SKAP1: variants seen among roughly 807,000 people sequenced by gnomAD.
SKAP1 encodes the protein src kinase associated phosphoprotein 1, also known as src kinase-associated phosphoprotein 1.
SKAP1 carries 44 observed loss-of-function variants against 58.5 expected under a neutral mutation model. The observed-to-expected ratio is 0.75, with a 90% CI of 0.59 to 0.97. The LOEUF (loss-of-function observed/expected upper bound fraction) is 0.97. Among genes scored for constraint, SKAP1 ranks in the 50% least tolerant of loss-of-function variants. SKAP1 has a pLI of 0.00. For synonymous variants in SKAP1, 127 were observed against 149.7 expected, an observed-to-expected ratio of 0.85 and a Z score of 1.11; for missense variants, 390 against 435.2, an observed-to-expected ratio of 0.90 and a Z score of 0.92.
intron 4 of SKAP1, among the ~76,000 whole-genome samples, chr17:48,280,810 C>T (rs1029478224): frequency 6.6e-6 from 1 of 152,016 alleles, no homozygotes. Context: ...TAGCATAAAA[C>T]CTTTAAGATT....
chr17:48,169,105 A>G (rs2064177738), intron 10 of SKAP1, among the ~76,000 whole-genome samples: 2 of 39,596 alleles, frequency 5.1e-5, no homozygotes, highest in South Asian at 1.9e-3. Flanking sequence ...ATGAGGAACA[A>G]AAGGTTTTTT....
chr17:48,180,271 G>T, intron 8 of SKAP1, 23 bp from the exon 9 acceptor site: 1 of 1,507,464 alleles, frequency 6.6e-7, no homozygotes, highest in Admixed American at 2.3e-5. Context: ...AGATGAGAAT[G>T]AATCAAGAAA....
At chr17:48,425,879 T>C (rs2067849461) in intron 1 of SKAP1, among the ~76,000 whole-genome samples, 1 of 152,208 alleles carries the variant, frequency 6.6e-6, no homozygotes, top group African/African-American at 2.4e-5. Context: ...CCAAACATCC[T>C]AAACAATATA....
chr17:48,297,780 G>A (rs567840143), intron 4 of SKAP1, among the ~76,000 whole-genome samples: 2 of 152,224 alleles, frequency 1.3e-5, no homozygotes, highest in East Asian at 3.9e-4. Context: ...GGCCTATAAG[G>A]GAATGGACCT....
At chr17:48,235,493 G>A (rs2065170030) in intron 4 of SKAP1, among the ~76,000 whole-genome samples, 1 of 151,744 alleles carries the variant, frequency 6.6e-6, no homozygotes, top group Non-Finnish European at 1.5e-5. Context: ...GTAGAAAACT[G>A]CAGAACAAGA....
chr17:48,174,378 T>C (rs1366367892), intron 9 of SKAP1, among the ~76,000 whole-genome samples: 7 of 152,124 alleles, frequency 4.6e-5, no homozygotes, highest in Non-Finnish European at 8.8e-5. Context: ...TGTCACATAG[T>C]GAAGGAAAAC....
chr17:48,190,110 A>ATT lies in SKAP1; in HGVS notation c.281-612_281-611dup, dbSNP rs61267385. Among the ~76,000 whole-genome samples the ATT allele has an allele frequency of 2.6e-3, 368 of 142,028 alleles. 2 individuals are homozygous for ATT. Among genetic ancestry groups the ATT allele is most frequent in the Non-Finnish European group, 4.1e-3 (267 of 65,012 alleles). 93.2% of individuals were successfully genotyped at this position (142,028 alleles called of 152,430 possible). A position where few individuals can be genotyped will look rare whatever the true frequency, so the allele number is the denominator to read the frequency against. The stretch of plus-strand genomic sequence containing the variant: ...GGAAAAGGACTCCAGAAAATTAAGA[A>ATT]TTTTTTTTTTTTTTTTGAGACAGTC... On this transcript the variant is annotated intron_variant, in intron 4 of 12. Transcript: ENST00000336915.
At chr17:48,329,149 G>C (rs187581871) in intron 4 of SKAP1, among the ~76,000 whole-genome samples, 63 of 152,320 alleles carry the variant, frequency 4.1e-4, no homozygotes, top group Admixed American at 9.1e-4. Flanking sequence ...ATTGGACAGT[G>C]CTAGAGCCCC....
intron 11 of SKAP1, among the ~76,000 whole-genome samples, chr17:48,158,956 T>C (rs2143253648): frequency 7.9e-6 from 1 of 126,412 alleles, no homozygotes; most frequent in South Asian, 3.0e-4. Context: ...CGAGACGCCT[T>C]CTCAAAAAGA....
chr17:48,374,059 G>A (rs1283329799), intron 2 of SKAP1, among the ~76,000 whole-genome samples: 1 of 152,140 alleles, frequency 6.6e-6, no homozygotes, highest in Non-Finnish European at 1.5e-5. Context: ...TTTTGAGACA[G>A]GGTCTTGCTC....
intron 4 of SKAP1, among the ~76,000 whole-genome samples, chr17:48,247,525 A>G (rs963457300): frequency 6.6e-6 from 1 of 152,144 alleles, no homozygotes; most frequent in African/African-American, 2.4e-5. Flanking sequence ...CAATGATTTA[A>G]AGGTAACCGT....
chr17:48,392,082 C>T (rs908495968), intron 2 of SKAP1, among the ~76,000 whole-genome samples: 7 of 152,158 alleles, frequency 4.6e-5, no homozygotes, highest in Admixed American at 3.9e-4. Flanking sequence ...TTTTATCAGG[C>T]TAACTCCTTG....
chr17:48,166,369 A>C (rs2064139788), intron 10 of SKAP1, among the ~76,000 whole-genome samples: 1 of 152,212 alleles, frequency 6.6e-6, no homozygotes, highest in Non-Finnish European at 1.5e-5. Context: ...AGTGACAGTC[A>C]TTTCTCTTGT....
intron 6 of SKAP1, 68 bp from the exon 7 acceptor site, chr17:48,184,915 G>C: frequency 6.7e-7 from 1 of 1,495,060 alleles, no homozygotes; most frequent in Non-Finnish European, 9.1e-7. Flanking sequence ...ATCCTCTCTG[G>C]TATGTAAAAT....
chr17:48,394,588 G>A (rs1440358500), intron 2 of SKAP1, among the ~76,000 whole-genome samples: 1 of 152,034 alleles, frequency 6.6e-6, no homozygotes, highest in African/African-American at 2.4e-5. Flanking sequence ...CGATCTTCTG[G>A]CCTCAGCCTC....
At chr17:48,172,440 T>C (rs2143386664) in intron 9 of SKAP1, among the ~76,000 whole-genome samples, 1 of 152,342 alleles carries the variant, frequency 6.6e-6, no homozygotes, top group Middle Eastern at 3.4e-3. Flanking sequence ...ACCCTTATAA[T>C]GTAAATATGT....
intron 3 of SKAP1, among the ~76,000 whole-genome samples, chr17:48,347,838 C>T (rs1055079099): frequency 6.6e-6 from 1 of 152,140 alleles, no homozygotes; most frequent in African/African-American, 2.4e-5. Context: ...TCTAAATGGA[C>T]TGCCTGGCTA....
intron 2 of SKAP1, among the ~76,000 whole-genome samples, chr17:48,374,158 T>C (rs2067124300): frequency 1.3e-5 from 2 of 151,954 alleles, no homozygotes; most frequent in South Asian, 4.1e-4. Flanking sequence ...CCTTAGCTTC[T>C]TGAGTATCTG....
chr17:48,269,541 C>T (rs1048530790), intron 4 of SKAP1, among the ~76,000 whole-genome samples: 24 of 152,182 alleles, frequency 1.6e-4, no homozygotes, highest in Admixed American at 4.6e-4. Context: ...TAACCCACAT[C>T]GCCCAAATTA....
Sources: gnomAD v4.1 joint callset for allele counts (sites outside exome capture counted in the v4.1 genomes callset) on GRCh38, gnomAD v4.1.1 for gene constraint, MANE v1.5 for transcripts, NCBI Gene and HGNC (gene_info 2026-07-23, HGNC 2026-07-21) for gene names.